Variants in CCDC198 observed in about 807,000 individuals in gnomAD.
CCDC198 encodes the protein coiled-coil domain containing 198, also known as factor associated with metabolism and energy.
In CCDC198, 18 loss-of-function variants were observed where a neutral mutation model predicts 35.6. That is an observed-to-expected ratio of 0.51 (90% CI 0.35 to 0.75). The LOEUF (loss-of-function observed/expected upper bound fraction) is 0.75, where lower values mean the gene tolerates loss of function less well. Ranked by LOEUF, CCDC198 falls within the 30% of genes least tolerant of loss-of-function variation. The pLI is 0.01. For missense variants in CCDC198, 365 were observed against 343.7 expected, an observed-to-expected ratio of 1.06 and a Z score of -0.49; for synonymous variants, 119 against 113.4, an observed-to-expected ratio of 1.05 and a Z score of -0.31.
chr14:57,492,623 T>G (rs1231086997), intron 1 of CCDC198, among the ~76,000 whole-genome samples: 1 of 152,038 alleles, frequency 6.6e-6, no homozygotes, highest in Non-Finnish European at 1.5e-5. Flanking sequence ...ACGTTATCAA[T>G]TCTGCAGACA....
chr14:57,483,254 C>G (rs993223592), intron 2 of CCDC198, 103 bp from the exon 3 acceptor site: 4 of 1,552,696 alleles, frequency 2.6e-6, no homozygotes, highest in Non-Finnish European at 3.5e-6. Context: ...AAAAGCGGCA[C>G]TTATTTCTGA....
chr14:57,478,967 C>T (rs1294419779), intron 5 of CCDC198: 2 of 1,288,768 alleles, frequency 1.6e-6, no homozygotes, highest in South Asian at 2.5e-5. Flanking sequence ...GGGATTTGGC[C>T]CACGGCACAG....
rs965750541 is a variant in CCDC198, at chr14:57,471,269, A to C, written c.*86T>G. On this transcript the variant is annotated 3_prime_UTR_variant, in exon 6 of 6. Transcript: ENST00000216445. ...TTTACCAAAGTGATTTGCTGTCCTC[A>C]AAGTAATTCATATATCAGTTTGGAA... 30 of 954,174 alleles carry C rather than the reference A, an allele frequency of 3.1e-5. No homozygotes were observed. In the South Asian group the frequency reaches 3.3e-4, roughly 10 times the overall value. The allele number at this position is 954,174 out of a possible 1,614,324, so 59.1% of individuals were successfully genotyped here. A position where few individuals can be genotyped will look rare whatever the true frequency, so the allele number is the denominator to read the frequency against.
In CCDC198 at chr14:57,470,466, G is replaced by A. The variant is rs931723208; in HGVS notation, c.*889C>T. On this transcript the variant is annotated 3_prime_UTR_variant, in exon 6 of 6. Coordinates refer to ENST00000216445, the MANE Select transcript of CCDC198 (RefSeq NM_018168.4). ...TCTTTTGCCTCAGCCTTCGCATCAAGTAGCTGGGATTACAGACGAATGCCA... is the reference window on the plus strand; with the variant it reads ...TCTTTTGCCTCAGCCTTCGCATCAAATAGCTGGGATTACAGACGAATGCCA... 1 of 152,108 alleles carries A rather than the reference G, an allele frequency of 6.6e-6. No homozygotes were observed. The highest frequency in any genetic ancestry group is 2.4e-5 in the African/African-American group (1 of 41,404). The allele number at this position is 152,108 out of a possible 1,614,324, so 9.4% of individuals were successfully genotyped here.
chr14:57,480,484 A>C, intron 5 of CCDC198, 111 bp downstream of exon 5: 2 of 1,344,114 alleles, frequency 1.5e-6, no homozygotes, highest in Non-Finnish European at 2.0e-6. Context: ...AATCTCAGCA[A>C]GAGCTCAAAG....
chr14:57,478,403 G>A (rs928632881), intron 5 of CCDC198: 41 of 908,700 alleles, frequency 4.5e-5, no homozygotes, highest in Non-Finnish European at 5.1e-5. Flanking sequence ...AGAATTAAAA[G>A]AGATAATGCA....
chr14:57,479,993 G>A (rs953711018), intron 5 of CCDC198, among the ~76,000 whole-genome samples: 1 of 152,208 alleles, frequency 6.6e-6, no homozygotes, highest in Non-Finnish European at 1.5e-5. Flanking sequence ...AAGAGAAAGG[G>A]CAGATTTTAC....
rs1307948589 is a variant in CCDC198 at position 57,491,087 on chromosome 14, A to G, written c.224-16T>C. On this transcript the variant is annotated splice_polypyrimidine_tract_variant and intron_variant, in intron 1 of 5. Coordinates refer to ENST00000216445, the MANE Select transcript of CCDC198 (RefSeq NM_018168.4). ...TCTCTGGATGCTTGAAGGATTGGGG[A>G]AGAAACAGGAATAAAACATTAAATA... 1.9e-6 allele frequency: 3 copies of G among 1,606,716 alleles called. No individual in the cohort carries two copies. The highest frequency in any genetic ancestry group is 2.7e-5 in the African/African-American group (2 of 74,632).
intron 2 of CCDC198, among the ~76,000 whole-genome samples, chr14:57,486,343 T>G (rs749440844): frequency 4.6e-5 from 7 of 152,164 alleles, no homozygotes; most frequent in African/African-American, 7.2e-5. Context: ...GTTGCTGACT[T>G]GTCCAAGGTT....
At chr14:57,479,046 A>G (rs769171892) in intron 5 of CCDC198, 10 of 1,285,212 alleles carry the variant, frequency 7.8e-6, no homozygotes. Context: ...ACAAACAAGG[A>G]AAACTTAATG....
chr14:57,486,797 A>G (rs1398425778), intron 2 of CCDC198, among the ~76,000 whole-genome samples: 1 of 152,158 alleles, frequency 6.6e-6, no homozygotes, highest in Non-Finnish European at 1.5e-5. Context: ...AGTTTCACAG[A>G]TCTCTTTCTT....
chr14:57,485,659 T>C (rs957078375), intron 2 of CCDC198, among the ~76,000 whole-genome samples: 3 of 152,138 alleles, frequency 2.0e-5, no homozygotes, highest in Non-Finnish European at 4.4e-5. Context: ...CACTTCTAGG[T>C]CCCTGGTCCT....
chr14:57,490,946 T>A (rs1203338), intron 2 of CCDC198, 43 bp downstream of exon 2: 1,437,715 of 1,461,252 alleles, frequency 0.98, 710,012 homozygotes, highest in East Asian at 1. Context: ...TGTTACCATT[T>A]TATCCAAGAA....
chr14:57,470,117 C>T lies in CCDC198; in HGVS notation c.*1238G>A, dbSNP rs1209326670. On this transcript the variant is annotated 3_prime_UTR_variant, in exon 6 of 6. Transcript: ENST00000216445. ...ATGTTTTAAGGAGCTCTAAAATCTA[C>T]ATCATAATCTAAGAAGTCTTAATTT... The T allele has an allele frequency of 6.6e-6, 1 of 152,170 alleles. No homozygotes were observed. 9.4% of individuals were successfully genotyped at this position (152,170 alleles called of 1,614,324 possible).
At chr14:57,488,952 GA>G (rs1167298430) in intron 2 of CCDC198, among the ~76,000 whole-genome samples, 3 of 152,172 alleles carry the variant, frequency 2.0e-5, no homozygotes, top group African/African-American at 7.2e-5. Flanking sequence ...AACCATTGTG[GA>G]AGACAGTGTG....
intron 2 of CCDC198, among the ~76,000 whole-genome samples, chr14:57,484,036 CCTGCAGGGCAGAAAAAAT>C (rs1158925565): frequency 2.6e-5 from 4 of 151,450 alleles, no homozygotes; most frequent in South Asian, 2.1e-4. Flanking sequence ...GCAGAAAAAA[CCTGCAGGGCAGAAAAAAT>C]CTGCAGGGCA....
chr14:57,487,012 G>A (rs2067384963), intron 2 of CCDC198, among the ~76,000 whole-genome samples: 1 of 152,076 alleles, frequency 6.6e-6, no homozygotes, highest in South Asian at 2.1e-4. Context: ...CACTTGATTT[G>A]AGAAGCACTG....
rs17093260 is a variant in CCDC198, at chr14:57,481,446, C to T, written c.495+113G>A. 6,864 of 705,818 alleles carry T rather than the reference C, an allele frequency of 9.7e-3. 337 individuals are homozygous for T. The African/African-American group carries it at 0.11, about 11-fold the overall frequency. The allele number at this position is 705,818 out of a possible 1,614,324, so 43.7% of individuals were successfully genotyped here. A position where few individuals can be genotyped will look rare whatever the true frequency, so the allele number is the denominator to read the frequency against. On this transcript the variant is annotated intron_variant, in intron 4 of 5. Transcript: ENST00000216445. ...GTAGTTGAACCTTCAACCTCAATGA[C>T]GAAATTTAAAATGCTAAGTAAAGAC...
rs2066782059 is a variant in CCDC198, at chr14:57,469,638, C to T, written c.*1717G>A. 1 of 152,160 alleles carries T rather than the reference C, an allele frequency of 6.6e-6. No individual in the cohort carries two copies. The highest frequency in any genetic ancestry group is 2.1e-4 in the South Asian group (1 of 4,834). The allele number at this position is 152,160 out of a possible 1,614,324, so 9.4% of individuals were successfully genotyped here. On this transcript the variant is annotated 3_prime_UTR_variant, in exon 6 of 6. Transcript: ENST00000216445. Reference sequence around the variant, plus strand: ...TTTTCTAGAAAGCTGGCTAGTCAAACAATGCATGCTTTCTTTTGGTGGAAA... The same window carrying T: ...TTTTCTAGAAAGCTGGCTAGTCAAATAATGCATGCTTTCTTTTGGTGGAAA...
Sources: allele counts gnomAD v4.1 joint callset (sites outside exome capture counted in the v4.1 genomes callset), GRCh38; gene constraint gnomAD v4.1.1; transcripts MANE v1.5; gene names NCBI Gene and HGNC (gene_info 2026-07-23, HGNC 2026-07-21).